Variants in MCM10 observed in about 807,000 individuals in gnomAD.
The protein encoded by MCM10 is protein MCM10 homolog.
In MCM10, 91 loss-of-function variants were observed where a neutral mutation model predicts 109.9. The ratio of observed to expected loss-of-function variants is 0.83; its 90% CI spans 0.70 to 0.99. MCM10 has a LOEUF of 0.99. Ranked by LOEUF, MCM10 falls within the 50% of genes least tolerant of loss-of-function variation. The probability of loss-of-function intolerance (pLI) is 0.00; values close to 1 mark genes in which losing one functional copy is unlikely to be tolerated. For missense variants in MCM10, 1,077 were observed against 1,061.2 expected (o/e 1.01, Z -0.21); for synonymous variants, 380 against 387.2 (o/e 0.98, Z 0.22).
chr10:13,169,540 C>T (rs1834043284), intron 2 of MCM10, among the ~76,000 whole-genome samples: 1 of 152,094 alleles, frequency 6.6e-6, no homozygotes, highest in African/African-American at 2.4e-5. Flanking sequence ...TCCCAAGAAA[C>T]ACATGTGCGA....
chr10:13,170,334 G>A (rs1834053312), intron 2 of MCM10, among the ~76,000 whole-genome samples: 1 of 151,806 alleles, frequency 6.6e-6, no homozygotes, highest in African/African-American at 2.4e-5. Context: ...TCTGGGTGAT[G>A]GGATCTTAGT....
intron 1 of MCM10, among the ~76,000 whole-genome samples, chr10:13,163,074 CA>C (rs34121679): frequency 0.018 from 2,037 of 115,406 alleles, 18 homozygotes; most frequent in African/African-American, 0.035. Context: ...GACTCCGTCT[CA>C]AAAAAAAAAA....
chr10:13,175,320 C>G (rs754723111), intron 5 of MCM10, among the ~76,000 whole-genome samples, 190 bp from the exon 6 acceptor site: 2 of 152,074 alleles, frequency 1.3e-5, no homozygotes, highest in African/African-American at 2.4e-5. Flanking sequence ...GTGTTCCCAG[C>G]TACTCAGAAA....
chr10:13,164,270 CTTG>C (rs1327471492), intron 2 of MCM10, 61 bp downstream of exon 2: 2 of 1,503,858 alleles, frequency 1.3e-6, no homozygotes, highest in African/African-American at 2.8e-5. Context: ...TGTCCATGGA[CTTG>C]TTATTTATTC....
intron 2 of MCM10, among the ~76,000 whole-genome samples, chr10:13,167,754 T>A (rs1230160865): frequency 6.6e-6 from 1 of 152,226 alleles, no homozygotes; most frequent in Non-Finnish European, 1.5e-5. Flanking sequence ...CTGAAGTTGA[T>A]CAACAAGTAT....
chr10:13,204,222 G>C lies in MCM10; in HGVS notation c.2356G>C (p.Ala786Pro), dbSNP rs759917882. ...GGTTTTTTGTTGCTCTGTGCAGTGCGCCTATACCCACTTCAAGCTGCTGGA... is the reference window on the plus strand; with the variant it reads ...GGTTTTTTGTTGCTCTGTGCAGTGCCCCTATACCCACTTCAAGCTGCTGGA... ...KCRVVTCKTC[A>P]YTHFKLLETC... The change falls in exon 18 of 20, where the codon GCC becomes CCC. Residue 786 changes from alanine to proline, a missense_variant. Physicochemically the swap from Ala to Pro is conservative, Grantham distance 27. Transcript: ENST00000378714. 6.2e-7 allele frequency: 1 copy of C among 1,613,970 alleles called. No individual in the cohort carries two copies. Among genetic ancestry groups the C allele is most frequent in the African/African-American group, 1.3e-5 (1 of 75,024 alleles).
intron 6 of MCM10, among the ~76,000 whole-genome samples, chr10:13,180,124 G>T (rs1834191227): frequency 6.6e-6 from 1 of 152,100 alleles, no homozygotes; most frequent in African/African-American, 2.4e-5. Context: ...GATGGCACAT[G>T]CCTGTAGTCC....
intron 9 of MCM10, among the ~76,000 whole-genome samples, chr10:13,188,103 C>T (rs1834298229): frequency 1.3e-5 from 2 of 152,102 alleles, no homozygotes; most frequent in African/African-American, 4.8e-5. Flanking sequence ...CAGGATCACG[C>T]CACTGCACTC....
chr10:13,176,456 T>C (rs11258230), intron 6 of MCM10, among the ~76,000 whole-genome samples: 3,748 of 152,322 alleles, frequency 0.025, 71 homozygotes, highest in South Asian at 0.094. Flanking sequence ...GGATTGCTTT[T>C]AGCACAGTCC....
chr10:13,175,780 A>G lies in MCM10; in HGVS notation c.764+99A>G, dbSNP rs191974221. The stretch of plus-strand genomic sequence containing the variant: ...GTGTGTTTATACATCAGGATCCACA[A>G]AACACCAGCAGCTCTTGAACTGGAC... On this transcript the variant is annotated intron_variant, in intron 6 of 19. Coordinates refer to ENST00000378714, the MANE Select transcript of MCM10 (RefSeq NM_018518.5). 3 of 807,662 alleles carry G rather than the reference A, an allele frequency of 3.7e-6. No individual in the cohort carries two copies. In the Admixed American group the frequency reaches 7.6e-5, roughly 21 times the overall value. 50.0% of individuals were successfully genotyped at this position (807,662 alleles called of 1,614,324 possible). A position where few individuals can be genotyped will look rare whatever the true frequency, so the allele number is the denominator to read the frequency against.
chr10:13,195,139 G>C lies in MCM10; in HGVS notation c.1844G>C (p.Arg615Thr). 6.2e-7 allele frequency: 1 copy of C among 1,614,156 alleles called. No individual in the cohort carries two copies. Among genetic ancestry groups the C allele is most frequent in the Non-Finnish European group, 8.5e-7 (1 of 1,180,020 alleles). Residue 615 changes from arginine (R) to threonine (T), a missense_variant, in exon 14 of 20, where the codon AGG becomes ACG. By Grantham distance (71) the Arg-to-Thr change is moderately conservative. Coordinates refer to ENST00000378714, the MANE Select transcript of MCM10 (RefSeq NM_018518.5). ...QPPRTGSEFPRLEGAPATMTP... is the reference protein window; with the variant it reads ...QPPRTGSEFPTLEGAPATMTP... ...CCACGGACAGGATCCGAGTTCCCCA[G>C]GCTGGAGGGAGCCCCGGCCACAATG...
chr10:13,201,624 G>A, intron 17 of MCM10, 90 bp downstream of exon 17: 1 of 942,718 alleles, frequency 1.1e-6, no homozygotes, highest in Non-Finnish European at 1.7e-6. Flanking sequence ...GGGATCTGGG[G>A]CCCTATCTCG....
Position 13,175,563 on chromosome 10 carries a change from A to G in MCM10, c.646A>G (p.Thr216Ala), listed in dbSNP as rs1834130365. The G allele has an allele frequency of 6.2e-7, 1 of 1,613,988 alleles. No homozygotes were observed. The highest frequency in any genetic ancestry group is 1.3e-5 in the African/African-American group (1 of 74,912). The change falls in exon 6 of 20, where the codon ACG becomes GCG. Residue 216 changes from threonine (T) to alanine (A), a missense_variant. Transcript: ENST00000378714. ...AAGTGCACCCTCCCAACCCCTACAG[A>G]CGATTTCTCGGAACAAACCTAGTGG... ...MTSAPSQPLQ[T>A]ISRNKPSGIT...
chr10:13,179,904 T>C (rs574244267), intron 6 of MCM10, among the ~76,000 whole-genome samples: 24 of 152,306 alleles, frequency 1.6e-4, no homozygotes, highest in East Asian at 7.7e-4. Flanking sequence ...CGATCTTTCT[T>C]GTATTCTATA....
At chr10:13,205,038 ATATATATATATATATTAATTTG>A (rs1564395058) in intron 18 of MCM10, among the ~76,000 whole-genome samples, 1 of 35,020 alleles carries the variant, frequency 2.9e-5, no homozygotes, top group African/African-American at 5.2e-5. Context: ...ATATATATAT[ATATATATATATATATTAATTTG>A]TATAAATTTA....
rs75614526 is a variant in MCM10 at position 13,195,181 on chromosome 10, G to A, written c.1886G>A (p.Arg629Gln). Residue 629 changes from arginine (R) to glutamine (Q), a missense_variant, in exon 14 of 20, where the codon CGA becomes CAA. Coordinates refer to ENST00000378714, the MANE Select transcript of MCM10 (RefSeq NM_018518.5). Reference protein sequence around the residue: ...APATMTPKLGRGVLEGDDVLF... With the variant: ...APATMTPKLGQGVLEGDDVLF... The stretch of plus-strand genomic sequence containing the variant: ...GCCACAATGACGCCCAAGCTGGGGC[G>A]AGGTGTCTTGGAAGGAGATGATGTT... The A allele has an allele frequency of 1.1e-4, 185 of 1,613,964 alleles. No individual in the cohort carries two copies. In the East Asian group the frequency reaches 1.9e-3, roughly 16 times the overall value.
Position 13,175,480 on chromosome 10 carries a change from G to A in MCM10, c.593-30G>A, listed in dbSNP as rs747940306. 2.5e-6 allele frequency: 4 copies of A among 1,592,388 alleles called. No homozygotes were observed. The South Asian group carries it at 4.4e-5, about 18-fold the overall frequency. ...TCCGTTCGTGATTATCAGTGTGGTTGCCTTTTCATTAATTGTGTTAATTTT... is the reference window on the plus strand; with the variant it reads ...TCCGTTCGTGATTATCAGTGTGGTTACCTTTTCATTAATTGTGTTAATTTT... On this transcript the variant is annotated intron_variant, in intron 5 of 19. Coordinates refer to ENST00000378714, the MANE Select transcript of MCM10 (RefSeq NM_018518.5).
intron 8 of MCM10, among the ~76,000 whole-genome samples, chr10:13,185,522 G>A (rs551283136): frequency 2.0e-5 from 3 of 152,294 alleles, no homozygotes; most frequent in South Asian, 2.1e-4. Flanking sequence ...ACCAACTCCT[G>A]TTTATGTCTG....
At chr10:13,162,123 G>C (rs1321535919) in intron 1 of MCM10, among the ~76,000 whole-genome samples, 2 of 152,170 alleles carry the variant, frequency 1.3e-5, no homozygotes, top group Non-Finnish European at 2.9e-5. Flanking sequence ...GAAGGACCTG[G>C]GGGGAGCTTT....
Sources: gnomAD v4.1 joint callset for allele counts (sites outside exome capture counted in the v4.1 genomes callset) on GRCh38, gnomAD v4.1.1 for gene constraint, MANE v1.5 for transcripts, NCBI Gene and HGNC (gene_info 2026-07-23, HGNC 2026-07-21) for gene names.